ARHGEF18: variants seen among roughly 807,000 people sequenced by gnomAD.
ARHGEF18 encodes Rho/Rac guanine nucleotide exchange factor 18, also known as rho guanine nucleotide exchange factor 18.
A neutral mutation model predicts 155.7 loss-of-function variants in ARHGEF18; 93 were observed. The observed-to-expected ratio is 0.60, with a 90% CI of 0.50 to 0.71. The LOEUF is 0.71. Among genes scored for constraint, ARHGEF18 ranks in the 30% least tolerant of loss-of-function variants. The pLI is 0.00. For missense variants in ARHGEF18, 1,593 were observed against 1,816.1 expected (o/e 0.88, Z 2.23); for synonymous variants, 742 against 753.1 (o/e 0.99, Z 0.24).
At chr19:7,427,209 A>T (rs185822682) in intron 10 of ARHGEF18, among the ~76,000 whole-genome samples, 7 of 152,346 alleles carry the variant, frequency 4.6e-5, no homozygotes, top group African/African-American at 1.7e-4. Context: ...CCCAGTGAAG[A>T]AATGAGTCTC....
chr19:7,385,870 T>TCTCTCTCTCTCCC (rs1555704468), intron 10 of ARHGEF18, among the ~76,000 whole-genome samples: 1 of 29,548 alleles, frequency 3.4e-5, no homozygotes, highest in African/African-American at 1.9e-4. Flanking sequence ...TCTCTCTCTC[T>TCTCTCTCTCTCCC]CCCCCCTCCC....
chr19:7,385,941 T>C (rs1392299198), intron 10 of ARHGEF18, among the ~76,000 whole-genome samples: 2 of 75,792 alleles, frequency 2.6e-5, no homozygotes, highest in African/African-American at 1.2e-4. Flanking sequence ...TCTCTCCCCC[T>C]CTCCCTCTCT....
At chr19:7,370,224 G>T (rs190656934) in intron 2 of ARHGEF18, among the ~76,000 whole-genome samples, 2 of 151,250 alleles carry the variant, frequency 1.3e-5, no homozygotes, top group African/African-American at 4.9e-5. Flanking sequence ...GGCTGGGCGC[G>T]GTGGCTCACG....
chr19:7,473,113 A>G (rs780561389), downstream of ARHGEF18: 16 of 456,110 alleles, frequency 3.5e-5, no homozygotes, highest in Non-Finnish European at 6.6e-5. Flanking sequence ...TGGAACTTTC[A>G]CTTCCTCCAT....
At chr19:7,434,298 T>G (rs1226850670) in intron 10 of ARHGEF18, among the ~76,000 whole-genome samples, 5 of 152,128 alleles carry the variant, frequency 3.3e-5, no homozygotes, top group Non-Finnish European at 7.3e-5. Flanking sequence ...CAGGGACTAC[T>G]CTTGAATTCA....
At position 7,385,422 on chromosome 19, in the gene ARHGEF18, G is replaced by A. The variant is rs1274387101; in HGVS notation, c.967+2219G>A. Among the ~76,000 whole-genome samples the A allele has an allele frequency of 4.0e-5, 6 of 150,798 alleles. No homozygotes were observed. The East Asian group carries it at 5.8e-4, about 15-fold the overall frequency. On this transcript the variant is annotated intron_variant, in intron 10 of 28. Transcript: ENST00000668164. ...TCCATGTGGCCCACTGACTTAGAGCGTCGCCGTCATCTGGGAACTTCATTA... is the reference window on the plus strand; with the variant it reads ...TCCATGTGGCCCACTGACTTAGAGCATCGCCGTCATCTGGGAACTTCATTA...
intron 10 of ARHGEF18, among the ~76,000 whole-genome samples, chr19:7,412,580 A>T (rs1247048688): frequency 6.6e-6 from 1 of 151,778 alleles, no homozygotes; most frequent in Non-Finnish European, 1.5e-5. Flanking sequence ...CGTCTTTACT[A>T]AAAATACATA....
At chr19:7,477,053 G>GA, downstream of ARHGEF18, 1 of 642,166 alleles carries the variant, frequency 1.6e-6, no homozygotes, top group Non-Finnish European at 2.3e-6. Flanking sequence ...AGGCCTGGGG[G>GA]ACCTCGCATC....
At chr19:7,477,206 G>C (rs758288493), downstream of ARHGEF18, 1 of 1,494,698 alleles carries the variant, frequency 6.7e-7, no homozygotes, top group Non-Finnish European at 8.9e-7. Context: ...GCAGTGTCAG[G>C]GGGTAGTGGC....
At chr19:7,370,400 G>T (rs1970149204) in intron 2 of ARHGEF18, among the ~76,000 whole-genome samples, 1 of 151,992 alleles carries the variant, frequency 6.6e-6, no homozygotes, top group African/African-American at 2.4e-5. Flanking sequence ...GGAGGCTGAG[G>T]CAGGAGAATG....
intron 10 of ARHGEF18, among the ~76,000 whole-genome samples, chr19:7,418,924 G>C (rs1285336429): frequency 6.6e-6 from 1 of 151,908 alleles, no homozygotes; most frequent in Non-Finnish European, 1.5e-5. Flanking sequence ...AAGCACCAGG[G>C]AATGGAAGGG....
chr19:7,437,184 T>A (rs1486351194), intron 10 of ARHGEF18, among the ~76,000 whole-genome samples: 1 of 152,014 alleles, frequency 6.6e-6, no homozygotes, highest in Non-Finnish European at 1.5e-5. Flanking sequence ...ATCCCAGCAC[T>A]TAGGGAGGCC....
intron 1 of ARHGEF18, among the ~76,000 whole-genome samples, chr19:7,354,651 G>A (rs186957216): frequency 2.0e-5 from 3 of 151,224 alleles, no homozygotes; most frequent in African/African-American, 7.2e-5. Context: ...TGCAATCCCA[G>A]CACTTTGCGA....
chr19:7,466,790 G>A, intron 23 of ARHGEF18, 128 bp from the exon 24 acceptor site: 1 of 922,202 alleles, frequency 1.1e-6, no homozygotes, highest in Non-Finnish European at 1.5e-6. Context: ...GGCAACAAGA[G>A]CAGAATTCCG....
At chr19:7,437,902 C>G (rs1974362541) in intron 10 of ARHGEF18, among the ~76,000 whole-genome samples, 1 of 152,004 alleles carries the variant, frequency 6.6e-6, no homozygotes, top group East Asian at 1.9e-4. Flanking sequence ...GTCGGCCTTC[C>G]AAAGTGCTGG....
intron 10 of ARHGEF18, among the ~76,000 whole-genome samples, chr19:7,422,231 A>C (rs558587248): frequency 5.9e-5 from 9 of 151,994 alleles, no homozygotes; most frequent in African/African-American, 1.4e-4. Context: ...CCTGGCTCCT[A>C]TTCTGGAAGA....
At chr19:7,479,209 C>G in the ARHGEF18 span, among the ~76,000 whole-genome samples, 1 of 152,306 alleles carries the variant, frequency 6.6e-6, no homozygotes, top group African/African-American at 2.4e-5. Context: ...CTGGGCCAAG[C>G]GCGATGGCTC....
At chr19:7,389,497 CCCTTCCTT>C (rs60652111) in intron 10 of ARHGEF18, among the ~76,000 whole-genome samples, 8 of 138,484 alleles carry the variant, frequency 5.8e-5, no homozygotes, top group Non-Finnish European at 9.0e-5. Context: ...CTTCCTTCCT[CCCTTCCTT>C]CCTTCCTTCC....
At chr19:7,429,714 C>T (rs1973851640) in intron 10 of ARHGEF18, among the ~76,000 whole-genome samples, 2 of 152,176 alleles carry the variant, frequency 1.3e-5, no homozygotes, top group South Asian at 2.1e-4. Context: ...AGCTGGGGCT[C>T]ATGTCCCTGG....
Sources: gnomAD v4.1 joint callset for allele counts (sites outside exome capture counted in the v4.1 genomes callset) on GRCh38, gnomAD v4.1.1 for gene constraint, MANE v1.5 for transcripts, NCBI Gene and HGNC (gene_info 2026-07-23, HGNC 2026-07-21) for gene names.